LRRC69: variants seen among roughly 807,000 people sequenced by gnomAD.
LRRC69 encodes the protein leucine-rich repeat-containing protein 69.
In LRRC69, 42 loss-of-function variants were observed where a neutral mutation model predicts 37.8. The ratio of observed to expected loss-of-function variants is 1.11; its 90% confidence interval spans 0.87 to 1.44. The LOEUF is 1.44. Ranked by LOEUF, LRRC69 falls within the 40% of genes most tolerant of loss-of-function variation. The probability of loss-of-function intolerance (pLI) is 0.00; values close to 1 mark genes in which losing one functional copy is unlikely to be tolerated. For missense variants in LRRC69, 357 were observed against 401.9 expected (o/e 0.89, Z 0.96); for synonymous variants, 141 against 143.1 (o/e 0.99, Z 0.11).
intron 6 of LRRC69, among the ~76,000 whole-genome samples, chr8:91,199,423 T>A (rs1166311978): frequency 6.6e-6 from 1 of 152,144 alleles, no homozygotes; most frequent in Non-Finnish European, 1.5e-5. Context: ...CTTTCTCGGG[T>A]GCTTGTTTAT....
chr8:91,175,655 A>T (rs753994376), intron 5 of LRRC69, among the ~76,000 whole-genome samples: 2 of 152,080 alleles, frequency 1.3e-5, no homozygotes, highest in African/African-American at 2.4e-5. Context: ...TAAAATCTGC[A>T]TATGACAGGG....
At chr8:91,155,912 T>C (rs1039566374) in intron 5 of LRRC69, among the ~76,000 whole-genome samples, 15 of 149,666 alleles carry the variant, frequency 1.0e-4, no homozygotes, top group Admixed American at 2.0e-4. Flanking sequence ...CATATATATA[T>C]ACAACATATA....
At chr8:91,155,144 ATATG>A (rs953104274) in intron 5 of LRRC69, among the ~76,000 whole-genome samples, 19 of 151,486 alleles carry the variant, frequency 1.3e-4, no homozygotes, top group Admixed American at 1.1e-3. Flanking sequence ...AGAGATTAAA[ATATG>A]TAGGAATACA....
chr8:91,170,808 A>T (rs1472971141), intron 5 of LRRC69, among the ~76,000 whole-genome samples: 19 of 116,900 alleles, frequency 1.6e-4, no homozygotes, highest in African/African-American at 5.8e-4. Flanking sequence ...CTAGAAGAAA[A>T]CCTAGGCATT....
At chr8:91,150,061 T>C (rs1808702972) in intron 5 of LRRC69, among the ~76,000 whole-genome samples, 3 of 151,982 alleles carry the variant, frequency 2.0e-5, no homozygotes, top group South Asian at 4.1e-4. Context: ...CTTTTCCTAA[T>C]TGAATACCCT....
intron 5 of LRRC69, among the ~76,000 whole-genome samples, chr8:91,176,134 A>ATATATATATATATATATATATATTT: frequency 1.3e-5 from 1 of 75,698 alleles, no homozygotes; most frequent in African/African-American, 6.1e-5. Flanking sequence ...ATATATATAT[A>ATATATATATATATATATATATATTT]TTTTTTTTTT....
At chr8:91,200,880 G>A in intron 7 of LRRC69, 88 bp downstream of exon 7, 2 of 1,254,394 alleles carry the variant, frequency 1.6e-6, no homozygotes, top group Non-Finnish European at 1.1e-6. Flanking sequence ...AACTAGATTT[G>A]TACCTATGAT....
chr8:91,135,718 T>C (rs1372996201), exon 5 of LRRC69: 1 of 1,450,468 alleles, frequency 6.9e-7, no homozygotes, highest in Non-Finnish European at 9.1e-7. Flanking sequence ...CTGGAAATAT[T>C]ATTCAGATAT....
At chr8:91,196,058 A>G (rs1809594046) in intron 6 of LRRC69, among the ~76,000 whole-genome samples, 1 of 152,174 alleles carries the variant, frequency 6.6e-6, no homozygotes, top group Non-Finnish European at 1.5e-5. Context: ...AAAATCTCTC[A>G]GCATTTGCTT....
At chr8:91,105,001 G>A (rs1469199395) in intron 1 of LRRC69, among the ~76,000 whole-genome samples, 2 of 151,954 alleles carry the variant, frequency 1.3e-5, no homozygotes, top group Non-Finnish European at 2.9e-5. Flanking sequence ...CTATTTAGGG[G>A]TAACCTACGT....
intron 5 of LRRC69, among the ~76,000 whole-genome samples, chr8:91,154,869 G>A (rs1163674268): frequency 6.6e-6 from 1 of 151,462 alleles, no homozygotes; most frequent in African/African-American, 2.4e-5. Context: ...GGAAATTCTG[G>A]CCAGGTCAAT....
intron 6 of LRRC69, among the ~76,000 whole-genome samples, chr8:91,196,228 G>C (rs1809597782): frequency 6.6e-6 from 1 of 151,846 alleles, no homozygotes; most frequent in Non-Finnish European, 1.5e-5. Context: ...TTAGTCTGAT[G>C]GGCTTCCCTT....
chr8:91,133,078 A>C, intron 3 of LRRC69, 32 bp from the exon 4 acceptor site: 1 of 1,314,034 alleles, frequency 7.6e-7, no homozygotes, highest in Non-Finnish European at 1.0e-6. Flanking sequence ...TGTGAGTTTC[A>C]TTCATATACT....
chr8:91,192,190 A>G (rs1403983519), intron 6 of LRRC69, among the ~76,000 whole-genome samples: 7 of 152,062 alleles, frequency 4.6e-5, no homozygotes, highest in Non-Finnish European at 4.4e-5. Context: ...CTTTTTTATG[A>G]ATGCATAGTA....
chr8:91,211,115 T>A (rs1809907044), intron 7 of LRRC69, among the ~76,000 whole-genome samples: 3 of 152,024 alleles, frequency 2.0e-5, no homozygotes, highest in African/African-American at 7.2e-5. Context: ...TAAGGGAAAA[T>A]AACTCAAAAT....
rs71266165 is a variant in LRRC69 at position 91,140,639 on chromosome 8, A to ATTTTTTTT, written c.651+4925_651+4932dup. Among the ~76,000 whole-genome samples, 12 of 23,250 alleles carry ATTTTTTTT rather than the reference A, an allele frequency of 5.2e-4. 3 individuals carry two copies. The highest frequency in any genetic ancestry group is 1.9e-3 in the East Asian group (2 of 1,074). 15.3% of individuals were successfully genotyped at this position (23,250 alleles called of 152,430 possible). A position where few individuals can be genotyped will look rare whatever the true frequency, so the allele number is the denominator to read the frequency against. On this transcript the variant is annotated intron_variant, in intron 5 of 7. Coordinates refer to ENST00000448384, the Ensembl canonical transcript of LRRC69. Reference sequence around the variant, plus strand: ...TTAAATGAATATTCTTCAATATGTGATTTTTTTTTTTTTTTTTTTTTTTTT... The same window carrying ATTTTTTTT: ...TTAAATGAATATTCTTCAATATGTGATTTTTTTTTTTTTTTTTTTTTTTTTTTTTTTTT...
intron 7 of LRRC69, chr8:91,206,753 G>A (rs751624356): frequency 7.8e-7 from 1 of 1,289,592 alleles, no homozygotes; most frequent in Admixed American, 2.3e-5. Flanking sequence ...GTGTGCATCT[G>A]GTGCTCTGCT....
At chr8:91,201,633 G>A (rs560053453) in intron 7 of LRRC69, among the ~76,000 whole-genome samples, 1 of 152,124 alleles carries the variant, frequency 6.6e-6, no homozygotes, top group African/African-American at 2.4e-5. Flanking sequence ...GTTCTAGACT[G>A]TCTAATGTTT....
At chr8:91,158,926 G>T (rs1419089347) in intron 5 of LRRC69, among the ~76,000 whole-genome samples, 2 of 151,150 alleles carry the variant, frequency 1.3e-5, no homozygotes, top group Non-Finnish European at 3.0e-5. Context: ...TTTGCAAATG[G>T]AAACATCAAC....
Sources: gnomAD v4.1 joint callset for allele counts (sites outside exome capture counted in the v4.1 genomes callset) on GRCh38, gnomAD v4.1.1 for gene constraint, MANE v1.5 for transcripts, NCBI Gene and HGNC (gene_info 2026-07-23, HGNC 2026-07-21) for gene names.